ESYT1: variants seen among roughly 807,000 people sequenced by gnomAD.
ESYT1 encodes the protein extended synaptotagmin 1.
ESYT1 carries 116 observed loss-of-function variants against 154.2 expected under a neutral mutation model. The observed-to-expected ratio is 0.75, with a 90% CI of 0.65 to 0.88. ESYT1 has a LOEUF of 0.88. Among genes scored for constraint, ESYT1 ranks in the 40% least tolerant of loss-of-function variants. The pLI is 0.00. For synonymous variants in ESYT1, 500 were observed against 539.9 expected (o/e 0.93, Z 1.02); for missense variants, 1,264 against 1,379.3 (o/e 0.92, Z 1.32).
chr12:56,137,149 A>G, intron 16 of ESYT1, 69 bp from the exon 17 acceptor site: 1 of 1,585,568 alleles, frequency 6.3e-7, no homozygotes, highest in African/African-American at 1.3e-5. Context: ...CCTCTACCCC[A>G]CCCCACATGC....
At chr12:56,138,593 T>C in intron 22 of ESYT1, 94 bp downstream of exon 22, 1 of 1,362,758 alleles carries the variant, frequency 7.3e-7, no homozygotes, top group South Asian at 1.2e-5. Context: ...ATAAGAAAAA[T>C]GGCCCCTCTC....
In ESYT1 at chr12:56,136,403, A is replaced by T. The variant is rs1257604422; in HGVS notation, c.1633-341A>T. ...CAGGAGTTTGAGACCAGCCTGGGGA[A>T]CACCATGAAACCCTGTCTCTACTAA... On this transcript the variant is annotated intron_variant, in intron 15 of 30. Transcript: ENST00000394048. 3.9e-5 allele frequency among the ~76,000 whole-genome samples: 6 copies of T among 152,082 alleles called. No homozygotes were observed. In the East Asian group the frequency reaches 1.2e-3, roughly 29 times the overall value.
chr12:56,136,081 A>T (rs1321107055), intron 15 of ESYT1, among the ~76,000 whole-genome samples: 1 of 151,232 alleles, frequency 6.6e-6, no homozygotes, highest in Non-Finnish European at 1.5e-5. Context: ...AAAAAAAAAA[A>T]AGGAACAGAA....
chr12:56,132,368 C>T (rs1216247401), intron 8 of ESYT1, 36 bp downstream of exon 8: 1 of 1,614,114 alleles, frequency 6.2e-7, no homozygotes. Context: ...ATCCTTCTCT[C>T]AGGAACCCCT....
intron 13 of ESYT1, 111 bp from the exon 14 acceptor site, chr12:56,133,999 A>T (rs1467541740): frequency 6.5e-7 from 1 of 1,536,650 alleles, no homozygotes; most frequent in East Asian, 2.3e-5. Flanking sequence ...GGTCCCAGGG[A>T]GGGGATCAGA....
intron 23 of ESYT1, 25 bp from the exon 24 acceptor site, chr12:56,138,902 G>C (rs370551533): frequency 6.2e-7 from 1 of 1,612,532 alleles, no homozygotes; most frequent in Non-Finnish European, 8.5e-7. Context: ...ATCAGCTACT[G>C]ATCATAAGCC....
In ESYT1 at chr12:56,142,300, A is replaced by G; in HGVS notation, c.2608A>G (p.Thr870Ala). ...SLELQVRGEG[T>A]GVLGSLSLPL... ...TGCCCCACAGGTTCGGGGTGAGGGCACTGGCGTGCTGGGCTCATTATCCCT... is the reference window on the plus strand; with the variant it reads ...TGCCCCACAGGTTCGGGGTGAGGGCGCTGGCGTGCTGGGCTCATTATCCCT... The change falls in exon 25 of 31, where the codon ACT (threonine) becomes GCT (alanine). Residue 870 changes from threonine to alanine, a missense_variant. By Grantham distance (58) the Thr-to-Ala change is moderately conservative. Transcript: ENST00000394048. The surrounding 1 kb of genome is among the most constrained non-coding windows in gnomAD (Gnocchi z 4.1). 1.2e-6 allele frequency: 2 copies of G among 1,614,098 alleles called. No individual in the cohort carries two copies. Among genetic ancestry groups the G allele is most frequent in the East Asian group, 4.5e-5 (2 of 44,884 alleles).
chr12:56,132,138 G>C, intron 7 of ESYT1, 71 bp from the exon 8 acceptor site: 2 of 1,610,668 alleles, frequency 1.2e-6, no homozygotes, highest in South Asian at 2.2e-5. Context: ...TTGGGTGTGG[G>C]AAACATAGTT....
At chr12:56,143,705 G>C in intron 30 of ESYT1, 76 bp downstream of exon 30, 1 of 1,611,496 alleles carries the variant, frequency 6.2e-7, no homozygotes, top group South Asian at 1.1e-5. Context: ...AGGAAAAAAA[G>C]ATACAATCTG....
chr12:56,131,593 G>A, intron 6 of ESYT1, 27 bp downstream of exon 6: 1 of 1,612,752 alleles, frequency 6.2e-7, no homozygotes, highest in Non-Finnish European at 8.5e-7. Context: ...AAGGGGTATG[G>A]GGAAGCAGGA....
intron 24 of ESYT1, among the ~76,000 whole-genome samples, chr12:56,140,794 C>T (rs562099613): frequency 6.6e-6 from 1 of 152,250 alleles, no homozygotes; most frequent in East Asian, 1.9e-4. Flanking sequence ...ACTGTTAGAG[C>T]AGTCAAAGCA....
At chr12:56,135,457 C>G (rs1420203876) in intron 15 of ESYT1, among the ~76,000 whole-genome samples, 2 of 151,726 alleles carry the variant, frequency 1.3e-5, no homozygotes, top group Non-Finnish European at 2.9e-5. Flanking sequence ...CAGGCGTGAG[C>G]CACCGTGCCC....
chr12:56,134,249 C>T lies in ESYT1; in HGVS notation c.1545+68C>T, dbSNP rs890684173. 5.6e-6 allele frequency: 9 copies of T among 1,601,126 alleles called. No individual in the cohort carries two copies. The South Asian group carries it at 6.6e-5, about 12-fold the overall frequency. ...GAGAGGCCTATTCTTGGGATGGTTTCCCCTTTAGAATGCCTGTTACATGCA... is the reference window on the plus strand; with the variant it reads ...GAGAGGCCTATTCTTGGGATGGTTTTCCCTTTAGAATGCCTGTTACATGCA... On this transcript the variant is annotated intron_variant, in intron 14 of 30. Transcript: ENST00000394048.
In ESYT1 at chr12:56,143,605, A is replaced by T; in HGVS notation, c.3251A>T (p.Asp1084Val). Reference protein sequence around the residue: ...GKVQLDLAETDLSQGVARWYD... With the variant: ...GKVQLDLAETVLSQGVARWYD... ...GTGCAGCTGGACCTAGCTGAGACAG[A>T]CCTTTCCCAGGGTGTAGCCCGGTGG... Residue 1084 changes from aspartate (D) to valine (V), a missense_variant, in exon 30 of 31, where the codon GAC becomes GTC. Transcript: ENST00000394048. 1 of 1,614,156 alleles carries T rather than the reference A, an allele frequency of 6.2e-7. No individual in the cohort carries two copies. Among genetic ancestry groups the T allele is most frequent in the Non-Finnish European group, 8.5e-7 (1 of 1,180,022 alleles).
chr12:56,132,147 T>C, intron 7 of ESYT1, 62 bp from the exon 8 acceptor site: 1 of 1,612,874 alleles, frequency 6.2e-7, no homozygotes, highest in East Asian at 2.2e-5. Flanking sequence ...GGAAACATAG[T>C]TGGGGTTAGG....
chr12:56,141,604 G>T (rs1050768989), intron 24 of ESYT1, among the ~76,000 whole-genome samples: 11 of 152,300 alleles, frequency 7.2e-5, no homozygotes, highest in African/African-American at 2.4e-4. Context: ...GCCGGGTGTG[G>T]TGGCGGACAC....
At position 56,132,763 on chromosome 12, in the gene ESYT1, G is replaced by A; in HGVS notation, c.1206G>A (p.Val402=). The change falls in exon 10 of 31, where the codon GTG becomes GTA. Residue 402 remains valine, a synonymous_variant. Transcript: ENST00000394048. ...CAGGGCAGGAGATTGAAGTGGAGGTGTTCGACAAGGATCCAGATAAAGATG... is the reference window on the plus strand; with the variant it reads ...CAGGGCAGGAGATTGAAGTGGAGGTATTCGACAAGGATCCAGATAAAGATG... ...EVPGQEIEVE[V]FDKDPDKDDF... 6.2e-7 allele frequency: 1 copy of A among 1,614,162 alleles called. No homozygotes were observed. The highest frequency in any genetic ancestry group is 8.5e-7 in the Non-Finnish European group (1 of 1,180,032).
rs369865446 is a variant in ESYT1 at position 56,143,642 on chromosome 12, G to A, written c.3275+13G>A. The A allele has an allele frequency of 2.4e-5, 39 of 1,613,824 alleles. No individual in the cohort carries two copies. The highest frequency in any genetic ancestry group is 1.3e-4 in the East Asian group (6 of 44,860). On this transcript the variant is annotated intron_variant, in intron 30 of 30. Transcript: ENST00000394048. The stretch of plus-strand genomic sequence containing the variant: ...GTGTAGCCCGGTGGTGAGTGTCTGC[G>A]TGGGTGGGGGATGGTCTGGATATTT...
chr12:56,130,594 G>A lies in ESYT1; in HGVS notation c.403G>A (p.Asp135Asn), dbSNP rs1396194906. The part of the protein sequence containing the change: ...RELPAWVSFP[D>N]VEKAEWLNKI... ...TCCCCACCTCCAGGTCAGCTTCCCA[G>A]ACGTGGAAAAGGCTGAATGGCTCAA... Residue 135 changes from aspartate to asparagine, a missense_variant, in exon 2 of 31, where the codon GAC (aspartate) becomes AAC (asparagine). Asp to Asn is a conservative substitution (Grantham distance 23). Transcript: ENST00000394048. 2 of 1,613,868 alleles carry A rather than the reference G, an allele frequency of 1.2e-6. No individual in the cohort carries two copies. The highest frequency in any genetic ancestry group is 2.7e-5 in the African/African-American group (2 of 74,930).
Sources: gnomAD v4.1 joint callset for allele counts (sites outside exome capture counted in the v4.1 genomes callset) on GRCh38, gnomAD v4.1.1 for gene constraint, Gnocchi (gnomAD v3.1) non-coding constraint, MANE v1.5 for transcripts, NCBI Gene and HGNC (gene_info 2026-07-23, HGNC 2026-07-21) for gene names.